KCNIP4: variants seen among roughly 807,000 people sequenced by gnomAD.
The protein encoded by KCNIP4 is Kv channel-interacting protein 4.
KCNIP4 carries 12 observed loss-of-function variants against 34.0 expected under a neutral mutation model. The ratio of observed to expected loss-of-function variants is 0.35; its 90% confidence interval spans 0.23 to 0.57. The LOEUF is 0.57. Among genes scored for constraint, KCNIP4 ranks in the 20% least tolerant of loss-of-function variants. KCNIP4 has a pLI of 0.83. For synonymous variants in KCNIP4, 124 were observed against 102.2 expected (o/e 1.21, Z -1.29); for missense variants, 238 against 311.7 (o/e 0.76, Z 1.78).
intron 1 of KCNIP4, among the ~76,000 whole-genome samples, chr4:21,425,909 CTGTT>C (rs1725891042): frequency 6.6e-6 from 1 of 152,036 alleles, no homozygotes; most frequent in Non-Finnish European, 1.5e-5. Flanking sequence ...AAAAAATTAG[CTGTT>C]TGTAGTGGTG....
intron 3 of KCNIP4, among the ~76,000 whole-genome samples, chr4:20,837,681 TATA>T (rs142191504): frequency 0.022 from 1,982 of 90,742 alleles, 14 homozygotes; most frequent in South Asian, 0.055. Flanking sequence ...TATATATATA[TATA>T]TATTTTTTTT....
At chr4:21,932,964 T>C (rs1729652949) in intron 1 of KCNIP4, among the ~76,000 whole-genome samples, 1 of 147,968 alleles carries the variant, frequency 6.8e-6, no homozygotes, top group Admixed American at 7.0e-5. Flanking sequence ...ACTGCTGACC[T>C]AGACACCAGA....
At chr4:21,042,916 G>A (rs374479672) in intron 1 of KCNIP4, among the ~76,000 whole-genome samples, 1 of 152,250 alleles carries the variant, frequency 6.6e-6, no homozygotes, top group East Asian at 1.9e-4. Context: ...ACAGGGCAGA[G>A]GTAGATTTCT....
intron 1 of KCNIP4, among the ~76,000 whole-genome samples, chr4:21,317,496 A>G (rs1393750887): frequency 1.3e-5 from 2 of 152,212 alleles, no homozygotes. Flanking sequence ...GTTGTTAACG[A>G]TAATGTTGAC....
chr4:21,658,848 T>G (rs1442736018), intron 1 of KCNIP4, among the ~76,000 whole-genome samples: 1 of 152,194 alleles, frequency 6.6e-6, no homozygotes, highest in Non-Finnish European at 1.5e-5. Flanking sequence ...CCTTGTGAAG[T>G]GACAAGGTCG....
intron 1 of KCNIP4, chr4:21,844,065 C>T (rs1723854651): frequency 6.6e-6 from 1 of 151,656 alleles, no homozygotes; most frequent in South Asian, 2.1e-4. Flanking sequence ...CACTCACTCA[C>T]TCTACACATA....
chr4:21,120,586 GGTGAGA>G (rs1750074957), intron 1 of KCNIP4, among the ~76,000 whole-genome samples: 1 of 152,218 alleles, frequency 6.6e-6, no homozygotes, highest in African/African-American at 2.4e-5. Flanking sequence ...CGTGGTGACA[GGTGAGA>G]GTGAGTGTTT....
chr4:21,009,586 T>G (rs1423669971), intron 1 of KCNIP4, among the ~76,000 whole-genome samples: 1 of 152,236 alleles, frequency 6.6e-6, no homozygotes, highest in Admixed American at 6.5e-5. Flanking sequence ...GTTCCTAAAC[T>G]CCTCTGTAGT....
intron 1 of KCNIP4, among the ~76,000 whole-genome samples, chr4:21,574,226 T>C (rs144886112): frequency 1.3e-5 from 2 of 152,254 alleles, no homozygotes; most frequent in African/African-American, 2.4e-5. Flanking sequence ...TTTCTGTAAG[T>C]TTATCGTGTA....
chr4:20,920,935 G>A (rs548180913), intron 1 of KCNIP4, among the ~76,000 whole-genome samples: 30 of 152,040 alleles, frequency 2.0e-4, no homozygotes, highest in Non-Finnish European at 3.7e-4. Flanking sequence ...TTTGCAGTGA[G>A]CCAAGTCACG....
chr4:21,672,955 G>A (rs1316287762), intron 1 of KCNIP4, among the ~76,000 whole-genome samples: 3 of 152,218 alleles, frequency 2.0e-5, no homozygotes, highest in African/African-American at 7.2e-5. Flanking sequence ...TCTCCAGAGG[G>A]AGACAGTGAC....
At position 21,835,672 on chromosome 4, in the gene KCNIP4, A is replaced by AT. The variant is rs1253986225; in HGVS notation, c.61+112898dup. Among the ~76,000 whole-genome samples the AT allele has an allele frequency of 2.2e-4, 33 of 152,092 alleles. No homozygotes were observed. In the Middle Eastern group the frequency reaches 0.014, roughly 63 times the overall value. Reference sequence around the variant, plus strand: ...AACATTTACAAATTAAATTATCGGTATTTTCATACCCTATAGCCCAGAGTT... The same window carrying AT: ...AACATTTACAAATTAAATTATCGGTATTTTTCATACCCTATAGCCCAGAGTT... On this transcript the variant is annotated intron_variant, in intron 1 of 8. Coordinates refer to ENST00000382152, the MANE Select transcript of KCNIP4 (RefSeq NM_025221.6).
intron 1 of KCNIP4, among the ~76,000 whole-genome samples, chr4:21,262,998 C>T (rs1415362785): frequency 6.6e-6 from 1 of 152,138 alleles, no homozygotes; most frequent in African/African-American, 2.4e-5. Flanking sequence ...TAACAAAATC[C>T]TTCCTGGTCC....
At chr4:20,828,382 G>A (rs899196995) in intron 3 of KCNIP4, among the ~76,000 whole-genome samples, 3 of 152,176 alleles carry the variant, frequency 2.0e-5, no homozygotes, top group Non-Finnish European at 4.4e-5. Flanking sequence ...ACCCGAGATC[G>A]TGCCACTGCA....
intron 1 of KCNIP4, among the ~76,000 whole-genome samples, chr4:21,076,110 T>C (rs1463091137): frequency 1.3e-5 from 2 of 152,180 alleles, no homozygotes; most frequent in Non-Finnish European, 2.9e-5. Context: ...CTGACAATTA[T>C]GTGTCTTGGA....
At chr4:21,441,735 CAGAT>C (rs985888262) in intron 1 of KCNIP4, among the ~76,000 whole-genome samples, 4 of 152,060 alleles carry the variant, frequency 2.6e-5, no homozygotes, top group Non-Finnish European at 5.9e-5. Context: ...AATAATTTGT[CAGAT>C]ATACTAAGCA....
chr4:21,569,890 C>T (rs1007314604), intron 1 of KCNIP4, among the ~76,000 whole-genome samples: 2 of 152,080 alleles, frequency 1.3e-5, no homozygotes, highest in East Asian at 3.9e-4. Context: ...TTCACACATA[C>T]TAGACCACTG....
At chr4:21,278,953 G>A (rs575319260) in intron 1 of KCNIP4, among the ~76,000 whole-genome samples, 2 of 152,148 alleles carry the variant, frequency 1.3e-5, no homozygotes, top group Non-Finnish European at 2.9e-5. Flanking sequence ...TGAATGTTGA[G>A]TGAAAACATC....
At chr4:21,498,366 C>T (rs1267624090) in intron 1 of KCNIP4, among the ~76,000 whole-genome samples, 1 of 152,144 alleles carries the variant, frequency 6.6e-6, no homozygotes, top group Non-Finnish European at 1.5e-5. Context: ...GGTGTTTGTA[C>T]ACTCTTTCTG....
Sources: gnomAD v4.1 joint callset for allele counts (sites outside exome capture counted in the v4.1 genomes callset) on GRCh38, gnomAD v4.1.1 for gene constraint, MANE v1.5 for transcripts, NCBI Gene and HGNC (gene_info 2026-07-23, HGNC 2026-07-21) for gene names.